The following CNTD1 variants were observed in gnomAD, a reference collection of about 807,000 sequenced individuals.
The protein encoded by CNTD1 is cyclin N-terminal domain-containing protein 1.
Under a neutral mutation model 36.3 loss-of-function variants are expected in CNTD1, and 17 were observed. The ratio of observed to expected loss-of-function variants is 0.47; its 90% confidence interval spans 0.32 to 0.70. The LOEUF (loss-of-function observed/expected upper bound fraction) is 0.70, where lower values mean the gene tolerates loss of function less well. Among genes scored for constraint, CNTD1 ranks in the 30% least tolerant of loss-of-function variants. The pLI, the probability that CNTD1 is intolerant of heterozygous loss-of-function variation, is 0.03. For missense variants in CNTD1, 338 were observed against 386.1 expected, an observed-to-expected ratio of 0.88 and a Z score of 1.04; for synonymous variants, 128 against 153.3, an observed-to-expected ratio of 0.83 and a Z score of 1.22.
upstream of CNTD1, chr17:42,798,845 T>A: frequency 6.9e-7 from 1 of 1,441,638 alleles, no homozygotes; most frequent in Middle Eastern, 2.5e-4. Context: ...GAAGCGGACG[T>A]GCTTTCTGAT....
chr17:42,803,085 G>C (rs1176278304), intron 1 of CNTD1, among the ~76,000 whole-genome samples: 1 of 152,216 alleles, frequency 6.6e-6, no homozygotes, highest in Middle Eastern at 3.2e-3. Flanking sequence ...GTGGTGGAGA[G>C]ATGGTGTCCA....
intron 1 of CNTD1, among the ~76,000 whole-genome samples, chr17:42,800,090 A>AAAAAGG (rs58044350): frequency 1.4e-5 from 2 of 146,924 alleles, no homozygotes; most frequent in African/African-American, 5.3e-5. Context: ...AAAAAAAAAA[A>AAAAAGG]GAGAAAAGAA....
At chr17:42,801,510 A>AAAAAAAAT (rs1289580717) in intron 1 of CNTD1, among the ~76,000 whole-genome samples, 3 of 54,354 alleles carry the variant, frequency 5.5e-5, no homozygotes, top group East Asian at 5.4e-4. Flanking sequence ...AAAAAAAAAA[A>AAAAAAAAT]ATATATATAT....
At chr17:42,804,714 A>G (rs1011574562) in intron 3 of CNTD1, among the ~76,000 whole-genome samples, 1 of 151,984 alleles carries the variant, frequency 6.6e-6, no homozygotes, top group Non-Finnish European at 1.5e-5. Flanking sequence ...AGGCTGAGGC[A>G]GGAGAATTGC....
intron 2 of CNTD1, 39 bp downstream of exon 2, chr17:42,803,734 C>T: frequency 6.6e-7 from 1 of 1,505,822 alleles, no homozygotes; most frequent in Non-Finnish European, 9.2e-7. Context: ...CGGCACCTCT[C>T]AGAGTGGCTA....
intron 2 of CNTD1, 152 bp downstream of exon 2, chr17:42,803,847 G>T: frequency 2.8e-6 from 2 of 705,936 alleles, no homozygotes; most frequent in Admixed American, 5.0e-5. Context: ...TGTTGTTATT[G>T]TTGTTTTGAG....
Position 42,810,705 on chromosome 17 carries a change from G to C in CNTD1, c.*1170G>C. On this transcript the variant is annotated 3_prime_UTR_variant, in exon 7 of 7. Transcript: ENST00000588408. Reference sequence around the variant, plus strand: ...CCCGAATTTAATTTAAAACATGTTTGCAAACAAAACAAAATTAAAAGCCTT... The same window carrying C: ...CCCGAATTTAATTTAAAACATGTTTCCAAACAAAACAAAATTAAAAGCCTT... The C allele has an allele frequency of 2.7e-6, 4 of 1,497,332 alleles. No individual in the cohort carries two copies. The highest frequency in any genetic ancestry group is 3.6e-6 in the Non-Finnish European group (4 of 1,111,862). 92.8% of individuals were successfully genotyped at this position (1,497,332 alleles called of 1,614,324 possible).
Position 42,811,047 on chromosome 17 carries a change from G to A in CNTD1, c.*1512G>A, listed in dbSNP as rs2144143050. 2 of 1,075,606 alleles carry A rather than the reference G, an allele frequency of 1.9e-6. No individual in the cohort carries two copies. The highest frequency in any genetic ancestry group is 2.6e-5 in the East Asian group (1 of 38,560). 66.6% of individuals were successfully genotyped at this position (1,075,606 alleles called of 1,614,324 possible). ...TTATCTATTAAAGAACACTTGGTGA[G>A]GAATGATAGTGTATTTTGGATTTGC... On this transcript the variant is annotated 3_prime_UTR_variant, in exon 7 of 7. Transcript: ENST00000588408.
Position 42,809,698 on chromosome 17 carries a change from G to A in CNTD1, c.*163G>A. 1.7e-6 allele frequency: 1 copy of A among 599,936 alleles called. No individual in the cohort carries two copies. The highest frequency in any genetic ancestry group is 3.0e-5 in the East Asian group (1 of 33,484). The allele number at this position is 599,936 out of a possible 1,614,324, so 37.2% of individuals were successfully genotyped here. The stretch of plus-strand genomic sequence containing the variant: ...TTCCTTTATCAGAGAGAGTTAAGGT[G>A]GACGAGCATGCCCTTTTTGTCATAT... On this transcript the variant is annotated 3_prime_UTR_variant, in exon 7 of 7. Transcript: ENST00000588408.
rs1230713556 is a variant in CNTD1, at chr17:42,800,225, G to T, written c.169+989G>T. ...GACGTCAGAGAGAAATAAAACAAGC[G>T]TTTATGGGGGTTGAGAGGAGCGATG... On this transcript the variant is annotated intron_variant, in intron 1 of 6. Coordinates refer to ENST00000588408, the MANE Select transcript of CNTD1 (RefSeq NM_173478.3). Among the ~76,000 whole-genome samples the T allele has an allele frequency of 6.6e-5, 10 of 152,078 alleles. No individual in the cohort carries two copies. The South Asian group carries it at 1.7e-3, about 25-fold the overall frequency.
rs1313908260 is a variant in CNTD1, at chr17:42,805,702, C to T, written c.418-20C>T. Reference sequence around the variant, plus strand: ...AACTTTATCCTAACATTCTTCTTTCCCTCTCTTTTCTTTGCTCAGATAATC... The same window carrying T: ...AACTTTATCCTAACATTCTTCTTTCTCTCTCTTTTCTTTGCTCAGATAATC... On this transcript the variant is annotated intron_variant, in intron 3 of 6. Transcript: ENST00000588408. 3 of 1,602,152 alleles carry T rather than the reference C, an allele frequency of 1.9e-6. No individual in the cohort carries two copies. In the South Asian group the frequency reaches 3.4e-5, roughly 18 times the overall value.
In CNTD1 at chr17:42,810,584, G is replaced by T; in HGVS notation, c.*1049G>T. ...TGGCAACTATAGATGGCATGTTGTA[G>T]CTCTGGAAAGTATCTGTCACATGAT... On this transcript the variant is annotated 3_prime_UTR_variant, in exon 7 of 7. Transcript: ENST00000588408. 1 of 614,432 alleles carries T rather than the reference G, an allele frequency of 1.6e-6. No individual in the cohort carries two copies. Among genetic ancestry groups the T allele is most frequent in the Non-Finnish European group, 2.5e-6 (1 of 395,126 alleles). The allele number at this position is 614,432 out of a possible 1,614,324, so 38.1% of individuals were successfully genotyped here.
intron 5 of CNTD1, among the ~76,000 whole-genome samples, chr17:42,807,514 C>A (rs1344800623): frequency 6.6e-6 from 1 of 151,900 alleles, no homozygotes; most frequent in African/African-American, 2.4e-5. Flanking sequence ...CTCACAGTTA[C>A]AATTGTTAGG....
In CNTD1 at chr17:42,809,998, A is replaced by T. The variant is rs2054959148; in HGVS notation, c.*463A>T. 1 of 152,394 alleles carries T rather than the reference A, an allele frequency of 6.6e-6. No homozygotes were observed. Among genetic ancestry groups the T allele is most frequent in the South Asian group, 2.1e-4 (1 of 4,836 alleles). The allele number at this position is 152,394 out of a possible 1,614,324, so 9.4% of individuals were successfully genotyped here. ...CTCAACAGCTATCTATTTTTACTAGAGTCTTTTTTTAAAACTAAAACTAAC... is the reference window on the plus strand; with the variant it reads ...CTCAACAGCTATCTATTTTTACTAGTGTCTTTTTTTAAAACTAAAACTAAC... On this transcript the variant is annotated 3_prime_UTR_variant, in exon 7 of 7. Transcript: ENST00000588408.
intron 1 of CNTD1, among the ~76,000 whole-genome samples, chr17:42,801,550 A>G (rs1456617520): frequency 6.7e-3 from 330 of 49,288 alleles, no homozygotes; most frequent in African/African-American, 0.022. Flanking sequence ...TATATATAAT[A>G]TATGTGTGTG....
chr17:42,798,939 T>C lies in CNTD1; in HGVS notation c.-129T>C. ...GGTGGTAATTGGGTTTTCCTCAGAC[T>C]TGAGGCGACGACACACTCATTGGAA... On this transcript the variant is annotated 5_prime_UTR_variant, in exon 1 of 7. Transcript: ENST00000588408. The C allele has an allele frequency of 6.8e-7, 1 of 1,464,010 alleles. No individual in the cohort carries two copies. The highest frequency in any genetic ancestry group is 1.4e-5 in the African/African-American group (1 of 70,260). The allele number at this position is 1,464,010 out of a possible 1,614,324, so 90.7% of individuals were successfully genotyped here.
chr17:42,798,909 G>A lies in CNTD1; in HGVS notation c.-159G>A. The A allele has an allele frequency of 1.4e-6, 2 of 1,448,528 alleles. No homozygotes were observed. The highest frequency in any genetic ancestry group is 1.8e-6 in the Non-Finnish European group (2 of 1,105,366). The allele number at this position is 1,448,528 out of a possible 1,614,324, so 89.7% of individuals were successfully genotyped here. A position where few individuals can be genotyped will look rare whatever the true frequency, so the allele number is the denominator to read the frequency against. On this transcript the variant is annotated 5_prime_UTR_variant, in exon 1 of 7. Transcript: ENST00000588408. The stretch of plus-strand genomic sequence containing the variant: ...GGGAAAAAGCTGTGGAGGGTTCGAG[G>A]CTGTGGTGGTAATTGGGTTTTCCTC...
At chr17:42,807,153 T>C (rs956488138) in intron 5 of CNTD1, among the ~76,000 whole-genome samples, 4 of 152,040 alleles carry the variant, frequency 2.6e-5, no homozygotes, top group African/African-American at 4.8e-5. Context: ...CGGTGGCTCA[T>C]GCCTGTAATA....
rs112986852 is a variant in CNTD1 at position 42,799,387 on chromosome 17, T to A, written c.169+151T>A. The A allele has an allele frequency of 6.0e-3, 5,241 of 878,358 alleles. 186 individuals carry two copies. The African/African-American group carries it at 0.076, about 13-fold the overall frequency. The allele number at this position is 878,358 out of a possible 1,614,324, so 54.4% of individuals were successfully genotyped here. The stretch of plus-strand genomic sequence containing the variant: ...TGCTGGGGATATAGTGATGGATAAG[T>A]CACAACAGTGCCCTCCCCTTGATTT... On this transcript the variant is annotated intron_variant, in intron 1 of 6. Transcript: ENST00000588408.
Sources: allele counts gnomAD v4.1 joint callset (sites outside exome capture counted in the v4.1 genomes callset), GRCh38; gene constraint gnomAD v4.1.1; transcripts MANE v1.5; gene names NCBI Gene and HGNC (gene_info 2026-07-23, HGNC 2026-07-21).